CPS1: variants seen among roughly 807,000 people sequenced by gnomAD.
The protein encoded by CPS1 is carbamoyl-phosphate synthase [ammonia], mitochondrial.
CPS1 carries 109 observed loss-of-function variants against 174.6 expected under a neutral mutation model. The ratio of observed to expected loss-of-function variants is 0.62; its 90% CI spans 0.53 to 0.73. The LOEUF (loss-of-function observed/expected upper bound fraction) is 0.73. CPS1 is among the 30% of genes least tolerant of loss of function. The pLI, the probability that CPS1 is intolerant of heterozygous loss-of-function variation, is 0.00. For missense variants in CPS1, 1,689 were observed against 1,821.9 expected, an observed-to-expected ratio of 0.93 and a Z score of 1.33; for synonymous variants, 637 against 632.0, an observed-to-expected ratio of 1.01 and a Z score of -0.12.
chr2:210,516,089 T>C (rs1695675409), intron 1 of CPS1, among the ~76,000 whole-genome samples: 1 of 151,890 alleles, frequency 6.6e-6, no homozygotes, highest in Non-Finnish European at 1.5e-5. Flanking sequence ...TTTGAATTTA[T>C]TGAAATTCAA....
intron 1 of CPS1, among the ~76,000 whole-genome samples, chr2:210,527,754 A>C (rs1376847693): frequency 6.6e-6 from 1 of 151,944 alleles, no homozygotes; most frequent in Non-Finnish European, 1.5e-5. Flanking sequence ...AAGTATGAAC[A>C]TGATACTTCA....
intron 1 of CPS1, among the ~76,000 whole-genome samples, chr2:210,558,597 CTCTGTG>C (rs1447194785): frequency 1.3e-5 from 2 of 151,986 alleles, no homozygotes; most frequent in African/African-American, 4.8e-5. Context: ...CTTCTTCTCA[CTCTGTG>C]AGAAGGTAGG....
chr2:210,611,922 T>C (rs1214909674), intron 19 of CPS1, among the ~76,000 whole-genome samples, 195 bp from the exon 20 acceptor site: 3 of 151,124 alleles, frequency 2.0e-5, no homozygotes, highest in Non-Finnish European at 4.4e-5. Flanking sequence ...TGAAGATGCA[T>C]TATACCAAAA....
chr2:210,558,507 A>T (rs1193439679), intron 1 of CPS1, among the ~76,000 whole-genome samples: 1 of 152,074 alleles, frequency 6.6e-6, no homozygotes, highest in East Asian at 1.9e-4. Context: ...ATCAGTTCAG[A>T]GAAAATCAAT....
At chr2:210,613,558 ATGTGTGTG>A (rs144670698) in intron 20 of CPS1, among the ~76,000 whole-genome samples, 1 of 150,210 alleles carries the variant, frequency 6.7e-6, no homozygotes, top group Non-Finnish European at 1.5e-5. Context: ...TGACATTCAT[ATGTGTGTG>A]TGTGTGTGTA....
intron 1 of CPS1, among the ~76,000 whole-genome samples, chr2:210,562,510 G>A (rs1279147700): frequency 6.6e-6 from 1 of 152,078 alleles, no homozygotes; most frequent in East Asian, 1.9e-4. Context: ...AAGAATAAAA[G>A]AATAAGATTT....
At chr2:210,554,224 CAT>C (rs10653219), upstream of CPS1, among the ~76,000 whole-genome samples, 41 of 115,404 alleles carry the variant, frequency 3.6e-4, 1 homozygote, top group African/African-American at 9.1e-4. Context: ...TATACACACA[CAT>C]ATATATATGT....
intron 23 of CPS1, among the ~76,000 whole-genome samples, chr2:210,639,435 A>G (rs959636972): frequency 6.6e-5 from 10 of 151,104 alleles, no homozygotes; most frequent in Admixed American, 4.0e-4. Context: ...ACAAGGTGAA[A>G]CCCCGTCTCT....
chr2:210,577,970 T>C (rs900141246), intron 4 of CPS1, among the ~76,000 whole-genome samples: 8 of 152,264 alleles, frequency 5.3e-5, no homozygotes, highest in African/African-American at 1.9e-4. Flanking sequence ...CTCATTCTTA[T>C]GAGTATAAGC....
chr2:210,572,197 T>C (rs922709305), intron 1 of CPS1, among the ~76,000 whole-genome samples: 4 of 151,878 alleles, frequency 2.6e-5, no homozygotes, highest in Non-Finnish European at 5.9e-5. Context: ...AATATTACAG[T>C]GTATATCTTT....
At chr2:210,504,423 A>G (rs1256483468) in intron 1 of CPS1, among the ~76,000 whole-genome samples, 1 of 152,234 alleles carries the variant, frequency 6.6e-6, no homozygotes, top group Non-Finnish European at 1.5e-5. Context: ...ATCACTTGTC[A>G]TATGTTGTGT....
chr2:210,663,276 A>G, intron 33 of CPS1, 79 bp downstream of exon 33: 1 of 1,348,472 alleles, frequency 7.4e-7, no homozygotes, highest in Non-Finnish European at 1.1e-6. Flanking sequence ...ATACAGTAAA[A>G]TAAAGGGAAT....
rs35833900 is a variant in CPS1 at position 210,579,809 on chromosome 2, G to GGTGT, written c.528+61_528+64dup. The GGTGT allele has an allele frequency of 2.7e-3, 3,617 of 1,337,492 alleles. 9 individuals are homozygous for GGTGT. The East Asian group carries it at 0.031, about 11-fold the overall frequency. The allele number at this position is 1,337,492 out of a possible 1,614,324, so 82.9% of individuals were successfully genotyped here. ...CTTTAGCCAAATCTATGTTTCTTCG[G>GGTGT]GTGTGTGTGTGTGTGTGTGTGTGTG... On this transcript the variant is annotated intron_variant, in intron 5 of 37. Coordinates refer to ENST00000233072, the MANE Select transcript of CPS1 (RefSeq NM_001875.5).
chr2:210,613,040 A>G (rs1699182836), intron 20 of CPS1, among the ~76,000 whole-genome samples: 1 of 151,960 alleles, frequency 6.6e-6, no homozygotes. Flanking sequence ...AGGAAGCACA[A>G]GCGTTAATCC....
At chr2:210,594,795 G>A (rs1194984836) in intron 12 of CPS1, among the ~76,000 whole-genome samples, 189 bp downstream of exon 12, 2 of 151,894 alleles carry the variant, frequency 1.3e-5, no homozygotes, top group Admixed American at 1.3e-4. Context: ...AACTTCTCAT[G>A]TTTTGATTTA....
chr2:210,565,711 T>A (rs759577699), intron 1 of CPS1, among the ~76,000 whole-genome samples: 1 of 152,218 alleles, frequency 6.6e-6, no homozygotes, highest in Non-Finnish European at 1.5e-5. Context: ...ATGAATTTTA[T>A]TTTAGGCAGT....
In CPS1 at chr2:210,556,807, C is replaced by A. The variant is rs149570645; in HGVS notation, c.74C>A (p.Ala25Glu). The A allele has an allele frequency of 8.7e-5, 141 of 1,613,114 alleles. No homozygotes were observed. The African/African-American group carries it at 1.6e-3, about 18-fold the overall frequency. The stretch of plus-strand genomic sequence containing the variant: ...GGTTTTGGCTTTACCAATGTGACTG[C>A]ACACCAAAAATGGAAATTTTCAAGA... ...KTGFGFTNVT[A>E]HQKWKFSRPG... The change falls in exon 1 of 38, where the codon GCA becomes GAA. Residue 25 changes from alanine (A) to glutamate (E), a missense_variant. By Grantham distance (107) the Ala-to-Glu change is moderately radical. Transcript: ENST00000233072.
chr2:210,610,719 A>G (rs1277967319), intron 19 of CPS1, among the ~76,000 whole-genome samples: 1 of 151,950 alleles, frequency 6.6e-6, no homozygotes, highest in East Asian at 2.0e-4. Context: ...GTGCCGCTAC[A>G]CTCCAGCCTG....
Position 210,642,479 on chromosome 2 carries a change from T to C in CPS1, c.2960-5T>C. 6.2e-7 allele frequency: 1 copy of C among 1,613,976 alleles called. No homozygotes were observed. The highest frequency in any genetic ancestry group is 8.5e-7 in the Non-Finnish European group (1 of 1,179,842). On this transcript the variant is annotated splice_polypyrimidine_tract_variant and splice_region_variant and intron_variant, in intron 24 of 37. Coordinates refer to ENST00000233072, the MANE Select transcript of CPS1 (RefSeq NM_001875.5). ...TCCCTTTTGCCAATCTCATTGTCTC[T>C]GCAGGCAGCAGTGTGGAATTTGATT... is the stretch of plus-strand genomic sequence containing the variant.
Sources: gnomAD v4.1 joint callset for allele counts (sites outside exome capture counted in the v4.1 genomes callset) on GRCh38, gnomAD v4.1.1 for gene constraint, MANE v1.5 for transcripts, NCBI Gene and HGNC (gene_info 2026-07-23, HGNC 2026-07-21) for gene names.